ZNF141: variants seen among roughly 807,000 people sequenced by gnomAD.
The protein encoded by ZNF141 is zinc finger protein 141 (clone pHZ-44).
ZNF141 carries 7 observed loss-of-function variants against 11.3 expected under a neutral mutation model. The ratio of observed to expected loss-of-function variants is 0.62; its 90% CI spans 0.35 to 1.16. The LOEUF is 1.16. Among genes scored for constraint, ZNF141 ranks in the 50% most tolerant of loss-of-function variants. The pLI is 0.02. For missense variants in ZNF141, 535 were observed against 554.0 expected, an observed-to-expected ratio of 0.97 and a Z score of 0.34; for synonymous variants, 183 against 190.7, an observed-to-expected ratio of 0.96 and a Z score of 0.33.
In ZNF141 at chr4:378,170, A is replaced by T. The variant is rs543471377; in HGVS notation, c.*4308A>T. On this transcript the variant is annotated 3_prime_UTR_variant, in exon 4 of 4. Transcript: ENST00000240499. Reference sequence around the variant, plus strand: ...CAGAGTAAGACCCGTCTCAACAACAACAACAAAAAAGAAGAAAATTTTTAG... The same window carrying T: ...CAGAGTAAGACCCGTCTCAACAACATCAACAAAAAAGAAGAAAATTTTTAG... 6.6e-6 allele frequency: 1 copy of T among 152,186 alleles called. No homozygotes were observed. The highest frequency in any genetic ancestry group is 1.5e-5 in the Non-Finnish European group (1 of 68,038). The allele number at this position is 152,186 out of a possible 1,614,324, so 9.4% of individuals were successfully genotyped here.
intron 3 of ZNF141, among the ~76,000 whole-genome samples, chr4:353,717 C>G (rs1553850849): frequency 6.6e-6 from 1 of 152,048 alleles, no homozygotes; most frequent in Non-Finnish European, 1.5e-5. Flanking sequence ...CCACCTTGGC[C>G]TCCCAAAATG....
At chr4:361,366 GAT>G (rs1173955705) in intron 3 of ZNF141, among the ~76,000 whole-genome samples, 2 of 148,740 alleles carry the variant, frequency 1.3e-5, no homozygotes, top group African/African-American at 4.9e-5. Flanking sequence ...GTTTTTGTAA[GAT>G]GTGTCAGAAT....
chr4:353,241 G>A (rs1328920940), intron 3 of ZNF141, among the ~76,000 whole-genome samples: 1 of 151,884 alleles, frequency 6.6e-6, no homozygotes, highest in Non-Finnish European at 1.5e-5. Flanking sequence ...AGGCATGGTG[G>A]CACGAACTTG....
At chr4:369,859 T>C (rs1711970199) in intron 3 of ZNF141, among the ~76,000 whole-genome samples, 1 of 147,760 alleles carries the variant, frequency 6.8e-6, no homozygotes, top group Admixed American at 6.8e-5. Flanking sequence ...TTCTGCCTCT[T>C]GGGTTCAAGC....
rs1483492573 is a variant in ZNF141 at position 374,210 on chromosome 4, C to T, written c.*348C>T. 9.5e-6 allele frequency: 3 copies of T among 317,396 alleles called. No homozygotes were observed. The highest frequency in any genetic ancestry group is 6.5e-5 in the African/African-American group (3 of 46,252). 19.7% of individuals were successfully genotyped at this position (317,396 alleles called of 1,614,324 possible). ...AAAATCATGCTGGAGGGAAGCCCTA[C>T]ACATGTGGCAGAATGTGGCAAAGCA... is the stretch of plus-strand genomic sequence containing the variant. On this transcript the variant is annotated 3_prime_UTR_variant, in exon 4 of 4. Coordinates refer to ENST00000240499, the MANE Select transcript of ZNF141 (RefSeq NM_003441.4).
At position 372,840 on chromosome 4, in the gene ZNF141, G is replaced by A; in HGVS notation, c.403G>A (p.Glu135Lys). 1.2e-6 allele frequency: 2 copies of A among 1,612,940 alleles called. No homozygotes were observed. The highest frequency in any genetic ancestry group is 1.3e-5 in the African/African-American group (1 of 75,006). ...LQKGGYNEFN[E>K]CLSTTQSKIL... ...GAAAGGAGGTTATAATGAATTTAAT[G>A]AATGCTTGTCAACTACCCAGAGCAA... Residue 135 changes from glutamate to lysine, a missense_variant, in exon 4 of 4, where the codon GAA (glutamate) becomes AAA (lysine). By Grantham distance (56) the Glu-to-Lys change is moderately conservative (BLOSUM62 1). Coordinates refer to ENST00000240499, the MANE Select transcript of ZNF141 (RefSeq NM_003441.4).
chr4:352,608 A>G (rs960216370), intron 3 of ZNF141, among the ~76,000 whole-genome samples: 1 of 152,178 alleles, frequency 6.6e-6, no homozygotes, highest in Admixed American at 6.5e-5. Context: ...CTTCAAAATC[A>G]TAGTGAAAAG....
In ZNF141 at chr4:380,019, A is replaced by G. The variant is rs567838463; in HGVS notation, c.*6157A>G. On this transcript the variant is annotated 3_prime_UTR_variant, in exon 4 of 4. Coordinates refer to ENST00000240499, the MANE Select transcript of ZNF141 (RefSeq NM_003441.4). ...TTGAATTTATTCCTCCTAGGCAACT[A>G]TGTGTTGTTTTACAGACATGTCTCC... Among the ~76,000 whole-genome samples, 1 of 152,286 alleles carries G rather than the reference A, an allele frequency of 6.6e-6. No individual in the cohort carries two copies. Among genetic ancestry groups the G allele is most frequent in the Admixed American group, 6.5e-5 (1 of 15,298 alleles).
intron 3 of ZNF141, among the ~76,000 whole-genome samples, chr4:351,039 G>A (rs571190761): frequency 6.0e-5 from 9 of 150,056 alleles, no homozygotes; most frequent in South Asian, 4.2e-4. Flanking sequence ...GTGAGCCACC[G>A]CGCCCGGCCT....
In ZNF141 at chr4:373,870, C is replaced by T; in HGVS notation, c.*8C>T. The T allele has an allele frequency of 6.3e-7, 1 of 1,589,166 alleles. No individual in the cohort carries two copies. The highest frequency in any genetic ancestry group is 2.2e-5 in the East Asian group (1 of 44,658). ...AAGAAAATTCATACTTGAGAGAAAT[C>T]CTACAAATGTAAAGAATGTGGCAAA... On this transcript the variant is annotated 3_prime_UTR_variant, in exon 4 of 4. Transcript: ENST00000240499.
chr4:345,722 C>CTT (rs1268512824), intron 3 of ZNF141, among the ~76,000 whole-genome samples: 1 of 120,488 alleles, frequency 8.3e-6, no homozygotes, highest in African/African-American at 3.6e-5. Flanking sequence ...GAGTGAAACT[C>CTT]TGTCTCCAAA....
intron 1 of ZNF141, among the ~76,000 whole-genome samples, chr4:343,485 G>T (rs1216405558): frequency 6.6e-6 from 1 of 152,072 alleles, no homozygotes; most frequent in East Asian, 1.9e-4. Flanking sequence ...CAGCACTGTG[G>T]GAGGCCGAGG....
intron 3 of ZNF141, among the ~76,000 whole-genome samples, chr4:371,697 G>A (rs1560197967): frequency 6.6e-6 from 1 of 151,762 alleles, no homozygotes; most frequent in South Asian, 2.1e-4. Flanking sequence ...CCATCACCAC[G>A]TCTGGCTAGT....
At chr4:359,333 A>T (rs897122989) in intron 3 of ZNF141, among the ~76,000 whole-genome samples, 1 of 152,064 alleles carries the variant, frequency 6.6e-6, no homozygotes, top group Non-Finnish European at 1.5e-5. Context: ...GCAAATGGAG[A>T]TGCTGATACA....
chr4:352,409 A>C (rs1365505761), intron 3 of ZNF141, among the ~76,000 whole-genome samples: 1 of 151,968 alleles, frequency 6.6e-6, no homozygotes, highest in Non-Finnish European at 1.5e-5. Context: ...AAGGTGGGAG[A>C]GGGAGAAGGC....
intron 3 of ZNF141, among the ~76,000 whole-genome samples, chr4:351,719 A>C (rs1581595840): frequency 6.6e-6 from 1 of 152,172 alleles, no homozygotes; most frequent in East Asian, 1.9e-4. Flanking sequence ...ACTGCAGGGT[A>C]AGGTCAATCT....
At chr4:350,548 C>T (rs1412373358) in intron 3 of ZNF141, among the ~76,000 whole-genome samples, 8 of 152,088 alleles carry the variant, frequency 5.3e-5, no homozygotes, top group African/African-American at 1.7e-4. Flanking sequence ...TTCACTTTTT[C>T]ACTTTTGTAA....
At position 381,206 on chromosome 4, in the gene ZNF141, G is replaced by A. The variant is rs550266456; in HGVS notation, c.*7344G>A. 6.6e-6 allele frequency among the ~76,000 whole-genome samples: 1 copy of A among 151,948 alleles called. No homozygotes were observed. Among genetic ancestry groups the A allele is most frequent in the South Asian group, 2.1e-4 (1 of 4,816 alleles). Reference sequence around the variant, plus strand: ...ACTCTATTAGTTTAGTTTCCTTTGTGCCTGTTTCTCAGTTTTGCCTAAATG... The same window carrying A: ...ACTCTATTAGTTTAGTTTCCTTTGTACCTGTTTCTCAGTTTTGCCTAAATG... On this transcript the variant is annotated 3_prime_UTR_variant, in exon 4 of 4. Coordinates refer to ENST00000240499, the MANE Select transcript of ZNF141 (RefSeq NM_003441.4).
rs142056809 is a variant in ZNF141 at position 377,534 on chromosome 4, G to A, written c.*3672G>A. ...CCTCAGAGCCTTTCTTCATTTTTGC[G>A]TTATGGCTAGTTTGTCACTGTTCTC... is the stretch of plus-strand genomic sequence containing the variant. On this transcript the variant is annotated 3_prime_UTR_variant, in exon 4 of 4. Transcript: ENST00000240499. Among the ~76,000 whole-genome samples the A allele has an allele frequency of 2.0e-5, 3 of 152,110 alleles. No individual in the cohort carries two copies. Among genetic ancestry groups the A allele is most frequent in the African/African-American group, 7.2e-5 (3 of 41,494 alleles).
Sources: gnomAD v4.1 joint callset for allele counts (sites outside exome capture counted in the v4.1 genomes callset) on GRCh38, gnomAD v4.1.1 for gene constraint, MANE v1.5 for transcripts, NCBI Gene and HGNC (gene_info 2026-07-23, HGNC 2026-07-21) for gene names.